The following SCFD2 variants were observed in gnomAD, a reference collection of about 807,000 sequenced individuals.
SCFD2 encodes sec1 family domain-containing protein 2.
SCFD2 carries 54 observed loss-of-function variants against 58.9 expected under a neutral mutation model. The ratio of observed to expected loss-of-function variants is 0.92; its 90% CI spans 0.74 to 1.15. SCFD2 has a LOEUF of 1.15. Ranked by LOEUF, SCFD2 falls within the 50% of genes most tolerant of loss-of-function variation. SCFD2 has a pLI of 0.00. For synonymous variants in SCFD2, 321 were observed against 335.9 expected, an observed-to-expected ratio of 0.96 and a Z score of 0.49; for missense variants, 805 against 836.6, an observed-to-expected ratio of 0.96 and a Z score of 0.47.
intron 4 of SCFD2, among the ~76,000 whole-genome samples, chr4:53,239,001 A>C (rs1729791527): frequency 6.6e-6 from 1 of 152,042 alleles, no homozygotes; most frequent in African/African-American, 2.4e-5. Context: ...TTGGGAGGCC[A>C]AGGCAGGCGT....
chr4:53,231,666 G>C (rs1449139669), intron 4 of SCFD2, among the ~76,000 whole-genome samples: 2 of 152,112 alleles, frequency 1.3e-5, no homozygotes, highest in Non-Finnish European at 2.9e-5. Context: ...AGTGCTGATG[G>C]TGTATGCCTT....
intron 5 of SCFD2, among the ~76,000 whole-genome samples, chr4:53,028,711 T>A (rs1722542734): frequency 6.6e-6 from 1 of 151,720 alleles, no homozygotes; most frequent in Non-Finnish European, 1.5e-5. Context: ...TTCCCCGGGG[T>A]TTTAAGTTTT....
rs560022755 is a variant in SCFD2 at position 53,341,891 on chromosome 4, G to A, written c.1007+10707C>T. On this transcript the variant is annotated intron_variant, in intron 2 of 8. Transcript: ENST00000401642. Reference sequence around the variant, plus strand: ...AAGTGAAGGAGAAATAAAATCCTTTGCACACAAGCAAATGCTGAGAGATTT... The same window carrying A: ...AAGTGAAGGAGAAATAAAATCCTTTACACACAAGCAAATGCTGAGAGATTT... Among the ~76,000 whole-genome samples, 1,313 of 152,136 alleles carry A rather than the reference G, an allele frequency of 8.6e-3. 18 individuals are homozygous for A. Among genetic ancestry groups the A allele is most frequent in the African/African-American group, 0.03 (1,236 of 41,516 alleles).
chr4:52,888,632 T>C (rs1185261038), intron 7 of SCFD2, among the ~76,000 whole-genome samples: 2 of 152,208 alleles, frequency 1.3e-5, no homozygotes, highest in Non-Finnish European at 2.9e-5. Context: ...GACACCCTTC[T>C]TAGGTACCAT....
chr4:53,172,724 C>T (rs1727216416), intron 4 of SCFD2, among the ~76,000 whole-genome samples: 1 of 152,018 alleles, frequency 6.6e-6, no homozygotes, highest in Non-Finnish European at 1.5e-5. Context: ...AATTTCAGTC[C>T]CCTAAGTTTA....
chr4:52,960,847 T>C (rs142301256), intron 5 of SCFD2, among the ~76,000 whole-genome samples: 5 of 152,248 alleles, frequency 3.3e-5, no homozygotes, highest in African/African-American at 1.2e-4. Flanking sequence ...AAAACAAAGA[T>C]GCAAAGATGT....
At chr4:53,061,526 T>C (rs1277393385) in intron 5 of SCFD2, among the ~76,000 whole-genome samples, 2 of 152,188 alleles carry the variant, frequency 1.3e-5, no homozygotes, top group Non-Finnish European at 2.9e-5. Flanking sequence ...GGCACTTTAG[T>C]ACAAACGAGG....
intron 4 of SCFD2, among the ~76,000 whole-genome samples, chr4:53,179,876 A>C (rs1727483693): frequency 6.6e-6 from 1 of 152,216 alleles, no homozygotes; most frequent in Admixed American, 6.5e-5. Flanking sequence ...ACAGACTTTA[A>C]ACCCACAAAG....
chr4:53,154,796 G>A (rs376497948), intron 4 of SCFD2, among the ~76,000 whole-genome samples: 1 of 152,144 alleles, frequency 6.6e-6, no homozygotes, highest in Non-Finnish European at 1.5e-5. Flanking sequence ...CTAATCATAT[G>A]AGTGCTTAAA....
chr4:53,040,982 A>T (rs1722884507), intron 5 of SCFD2, among the ~76,000 whole-genome samples: 1 of 152,180 alleles, frequency 6.6e-6, no homozygotes, highest in Non-Finnish European at 1.5e-5. Flanking sequence ...TGGTGAAAGA[A>T]AAAGAAAAAG....
Position 53,068,394 on chromosome 4 carries a change from G to GA in SCFD2, c.1561+76938dup, listed in dbSNP as rs1297355950. ...TTAGCACCAGTTAACTTATTTAAAT[G>GA]ACTTCATGTTTAGTTTATTTTGAAA... On this transcript the variant is annotated intron_variant, in intron 5 of 8. Transcript: ENST00000401642. Among the ~76,000 whole-genome samples the GA allele has an allele frequency of 3.3e-5, 5 of 152,056 alleles. No individual in the cohort carries two copies. In the East Asian group the frequency reaches 5.8e-4, roughly 18 times the overall value.
intron 5 of SCFD2, among the ~76,000 whole-genome samples, chr4:52,942,278 C>T (rs1720312951): frequency 6.6e-6 from 1 of 152,078 alleles, no homozygotes; most frequent in African/African-American, 2.4e-5. Context: ...AGCCAAGGGA[C>T]AAGGGGGAGA....
At chr4:52,952,839 C>G (rs1470698555) in intron 5 of SCFD2, among the ~76,000 whole-genome samples, 2 of 152,160 alleles carry the variant, frequency 1.3e-5, no homozygotes, top group Admixed American at 6.5e-5. Flanking sequence ...CCACCTTTTC[C>G]CAGATAAAAA....
intron 1 of SCFD2, among the ~76,000 whole-genome samples, chr4:53,360,923 A>G (rs1257746097): frequency 6.6e-6 from 1 of 151,654 alleles, no homozygotes; most frequent in Non-Finnish European, 1.5e-5. Context: ...AATTTTTCTT[A>G]CTCTTTTTAC....
chr4:53,248,306 A>G (rs1730190037), intron 4 of SCFD2, among the ~76,000 whole-genome samples: 1 of 152,224 alleles, frequency 6.6e-6, no homozygotes. Flanking sequence ...CTAGCACAGC[A>G]GTCTGAGATC....
chr4:52,912,456 G>A (rs1054684520), intron 6 of SCFD2, among the ~76,000 whole-genome samples: 2 of 151,776 alleles, frequency 1.3e-5, no homozygotes, highest in Non-Finnish European at 2.9e-5. Context: ...CATAGTAAAC[G>A]ATGTAAATAT....
At chr4:52,897,325 C>A (rs562140390) in intron 7 of SCFD2, among the ~76,000 whole-genome samples, 1 of 152,118 alleles carries the variant, frequency 6.6e-6, no homozygotes, top group African/African-American at 2.4e-5. Flanking sequence ...TTTTGAGAAA[C>A]GTCCCATCAA....
intron 2 of SCFD2, among the ~76,000 whole-genome samples, chr4:53,324,758 A>G (rs1733133770): frequency 6.6e-6 from 1 of 152,150 alleles, no homozygotes; most frequent in Non-Finnish European, 1.5e-5. Context: ...GGCTGGGAGC[A>G]TAAGAGCCCA....
rs777056254 is a variant in SCFD2, at chr4:53,077,022, G to T, written c.1561+68311C>A. On this transcript the variant is annotated intron_variant, in intron 5 of 8. Coordinates refer to ENST00000401642, the MANE Select transcript of SCFD2 (RefSeq NM_152540.4). The stretch of plus-strand genomic sequence containing the variant: ...GTATATATCCTTTAAGCACCCAATG[G>T]TATCATCATAGAACTTGCATTGTAT... 5.3e-4 allele frequency among the ~76,000 whole-genome samples: 81 copies of T among 152,172 alleles called. 1 individual carries two copies. Among genetic ancestry groups the T allele is most frequent in the Middle Eastern group, 3.4e-3 (1 of 294 alleles).
Sources: gnomAD v4.1 joint callset for allele counts (sites outside exome capture counted in the v4.1 genomes callset) on GRCh38, gnomAD v4.1.1 for gene constraint, MANE v1.5 for transcripts, NCBI Gene and HGNC (gene_info 2026-07-23, HGNC 2026-07-21) for gene names.